The following SLC14A2 variants were observed in gnomAD, a reference collection of about 807,000 sequenced individuals.
SLC14A2 encodes the protein urea transporter 2.
In SLC14A2, 91 loss-of-function variants were observed where a neutral mutation model predicts 104.6. The observed-to-expected ratio is 0.87, with a 90% CI of 0.73 to 1.04. SLC14A2 has a LOEUF of 1.04. SLC14A2 is among the 50% of genes least tolerant of loss of function. SLC14A2 has a pLI of 0.00. For missense variants in SLC14A2, 1,189 were observed against 1,156.0 expected (o/e 1.03, Z -0.41); for synonymous variants, 476 against 466.4 (o/e 1.02, Z -0.27).
intron 1 of SLC14A2, among the ~76,000 whole-genome samples, chr18:45,306,298 C>T (rs1260200035): frequency 6.6e-6 from 1 of 152,132 alleles, no homozygotes; most frequent in Non-Finnish European, 1.5e-5. Context: ...CATAAAGGTA[C>T]CTCATATCAT....
chr18:45,176,875 C>A, the SLC14A2 span, among the ~76,000 whole-genome samples: 3 of 152,196 alleles, frequency 2.0e-5, no homozygotes, highest in Non-Finnish European at 4.4e-5. Flanking sequence ...TTGCCAAAGA[C>A]TCACAAATCT....
chr18:45,414,492 C>G (rs574504464), intron 1 of SLC14A2, among the ~76,000 whole-genome samples: 1 of 152,026 alleles, frequency 6.6e-6, no homozygotes, highest in South Asian at 2.1e-4. Flanking sequence ...CTTCTCTCTT[C>G]CTACCTATCC....
At chr18:45,500,576 CAA>C (rs34543837) in intron 2 of SLC14A2, among the ~76,000 whole-genome samples, 4 of 93,874 alleles carry the variant, frequency 4.3e-5, no homozygotes, top group Non-Finnish European at 6.0e-5. Context: ...GACTCCGTCT[CAA>C]AAAAAAAAAA....
chr18:45,457,290 G>A (rs2086960811), intron 1 of SLC14A2, among the ~76,000 whole-genome samples: 1 of 152,056 alleles, frequency 6.6e-6, no homozygotes. Context: ...CTGGACAATG[G>A]TTCCTGAAAG....
intron 1 of SLC14A2, among the ~76,000 whole-genome samples, chr18:45,319,267 AG>A (rs2085161727): frequency 6.6e-6 from 1 of 152,216 alleles, no homozygotes; most frequent in African/African-American, 2.4e-5. Flanking sequence ...CTCCTGTGAT[AG>A]CACTTACCAC....
At chr18:45,168,534 A>T in the SLC14A2 span, 1 of 152,218 alleles carries the variant, frequency 6.6e-6, no homozygotes, top group African/African-American at 2.4e-5. Flanking sequence ...GGAGGCATAT[A>T]AGCAGCACTC....
At chr18:45,457,604 G>T (rs897151267) in intron 1 of SLC14A2, among the ~76,000 whole-genome samples, 9 of 151,430 alleles carry the variant, frequency 5.9e-5, no homozygotes, top group African/African-American at 2.2e-4. Context: ...GTGTTTGAAA[G>T]CAACAAGTTA....
intron 1 of SLC14A2, among the ~76,000 whole-genome samples, chr18:45,365,448 C>T (rs960729930): frequency 1.3e-5 from 2 of 152,240 alleles, no homozygotes; most frequent in Non-Finnish European, 2.9e-5. Context: ...TTGTGCTAGG[C>T]ACGAACTTCA....
chr18:45,614,024 C>T (rs1243914968), upstream of SLC14A2, among the ~76,000 whole-genome samples: 2 of 152,220 alleles, frequency 1.3e-5, no homozygotes, highest in Non-Finnish European at 2.9e-5. Flanking sequence ...GCAACCCTAC[C>T]ATCCTGGGCC....
chr18:45,284,861 G>A (rs1314953849), intron 1 of SLC14A2, among the ~76,000 whole-genome samples: 4 of 152,164 alleles, frequency 2.6e-5, no homozygotes, highest in Non-Finnish European at 5.9e-5. Context: ...GAGACAGAGG[G>A]AAAGGGAAAG....
chr18:45,257,035 G>A (rs2084486471), intron 1 of SLC14A2, among the ~76,000 whole-genome samples: 1 of 152,178 alleles, frequency 6.6e-6, no homozygotes, highest in African/African-American at 2.4e-5. Flanking sequence ...CATTTCTATA[G>A]ACAATGCCAG....
intron 16 of SLC14A2, 74 bp downstream of exon 16, chr18:45,669,572 C>T (rs1568003196): frequency 8.5e-7 from 1 of 1,181,328 alleles, no homozygotes; most frequent in Non-Finnish European, 1.2e-6. Flanking sequence ...TTTTGCACAT[C>T]AGAAACATCC....
At chr18:45,354,085 TAGA>T (rs1447718858) in intron 1 of SLC14A2, among the ~76,000 whole-genome samples, 1 of 151,890 alleles carries the variant, frequency 6.6e-6, no homozygotes, top group African/African-American at 2.4e-5. Context: ...TCGCAGGGGG[TAGA>T]GTTGACATAA....
chr18:45,214,970 G>T (rs1186963567), intron 1 of SLC14A2, among the ~76,000 whole-genome samples: 1 of 150,418 alleles, frequency 6.6e-6, no homozygotes, highest in Non-Finnish European at 1.5e-5. Flanking sequence ...ATACCTAATA[G>T]CTTATATCCA....
intron 2 of SLC14A2, among the ~76,000 whole-genome samples, chr18:45,565,127 TC>T (rs10542000): frequency 3.5e-5 from 5 of 144,698 alleles, no homozygotes; most frequent in African/African-American, 1.4e-4. Flanking sequence ...TGCATGTGCT[TC>T]TTTTTTTTTT....
the SLC14A2 span, among the ~76,000 whole-genome samples, chr18:45,195,474 C>T: frequency 1.3e-5 from 2 of 152,164 alleles, no homozygotes; most frequent in Non-Finnish European, 2.9e-5. Flanking sequence ...TCACCACAAC[C>T]TCCACCTCCC....
intron 2 of SLC14A2, among the ~76,000 whole-genome samples, chr18:45,519,402 A>G (rs765123126): frequency 1.2e-4 from 18 of 152,318 alleles, no homozygotes; most frequent in Non-Finnish European, 1.8e-4. Context: ...CATGACCCTC[A>G]GGGGAAATTA....
At chr18:45,613,237 TG>T (rs1334548433), upstream of SLC14A2, among the ~76,000 whole-genome samples, 1 of 152,106 alleles carries the variant, frequency 6.6e-6, no homozygotes, top group Non-Finnish European at 1.5e-5. Flanking sequence ...GGTTTCACCG[TG>T]GTCTTGATCT....
intron 1 of SLC14A2, among the ~76,000 whole-genome samples, chr18:45,217,742 T>C (rs2084023752): frequency 6.6e-6 from 1 of 152,242 alleles, no homozygotes; most frequent in Non-Finnish European, 1.5e-5. Flanking sequence ...TCTGGCCCTG[T>C]GCTTACATAT....
Sources: gnomAD v4.1 joint callset for allele counts (sites outside exome capture counted in the v4.1 genomes callset) on GRCh38, gnomAD v4.1.1 for gene constraint, MANE v1.5 for transcripts, NCBI Gene and HGNC (gene_info 2026-07-23, HGNC 2026-07-21) for gene names.